RANBP2: variants seen among roughly 807,000 people sequenced by gnomAD.
The protein encoded by RANBP2 is RAN binding protein 2, also known as E3 SUMO-protein ligase RanBP2.
RANBP2 carries 57 observed loss-of-function variants against 303.6 expected under a neutral mutation model. That is an observed-to-expected ratio of 0.19 (90% confidence interval 0.15 to 0.23). The LOEUF is 0.23. Among genes scored for constraint, RANBP2 ranks in the 10% least tolerant of loss-of-function variants. RANBP2 has a pLI of 1.00. For missense variants in RANBP2, 3,138 were observed against 3,780.8 expected (o/e 0.83, Z 4.46); for synonymous variants, 1,167 against 1,301.5 (o/e 0.90, Z 2.23).
chr2:109,312,736 G>C, the RANBP2 span, among the ~76,000 whole-genome samples: 2 of 152,330 alleles, frequency 1.3e-5, no homozygotes, highest in Middle Eastern at 3.4e-3. Context: ...ATGTCCCACT[G>C]TATGGTATTT....
the RANBP2 span, among the ~76,000 whole-genome samples, chr2:109,611,607 A>C: frequency 6.6e-6 from 1 of 152,008 alleles, no homozygotes; most frequent in East Asian, 1.9e-4. Flanking sequence ...AAAAATACAA[A>C]AATTTAGCCG....
At chr2:109,356,911 TC>T in the RANBP2 span, among the ~76,000 whole-genome samples, 1 of 152,044 alleles carries the variant, frequency 6.6e-6, no homozygotes, top group African/African-American at 2.4e-5. Flanking sequence ...CCCACCTCCT[TC>T]CCTGGCTTGC....
At chr2:109,403,594 G>A in the RANBP2 span, among the ~76,000 whole-genome samples, 1 of 152,250 alleles carries the variant, frequency 6.6e-6, no homozygotes, top group African/African-American at 2.4e-5. Flanking sequence ...GCAGGAGAAT[G>A]CCAGCAGGTC....
At chr2:109,330,522 G>A in the RANBP2 span, among the ~76,000 whole-genome samples, 3 of 152,176 alleles carry the variant, frequency 2.0e-5, no homozygotes, top group Non-Finnish European at 2.9e-5. Flanking sequence ...CCCTTGTATT[G>A]TTAGATGTCT....
At chr2:109,498,636 C>G in the RANBP2 span, among the ~76,000 whole-genome samples, 1 of 152,222 alleles carries the variant, frequency 6.6e-6, no homozygotes, top group Admixed American at 6.5e-5. Context: ...TCCACATTCC[C>G]TAGTTCATTC....
At chr2:109,424,343 C>T in the RANBP2 span, among the ~76,000 whole-genome samples, 182 of 152,330 alleles carry the variant, frequency 1.2e-3, no homozygotes, top group African/African-American at 4.0e-3. Context: ...AGCCACTCAT[C>T]GCCCTTCAGA....
the RANBP2 span, among the ~76,000 whole-genome samples, chr2:109,738,325 GT>G: frequency 7.2e-6 from 1 of 138,772 alleles, no homozygotes; most frequent in African/African-American, 2.7e-5. Context: ...TTTATTTATT[GT>G]TTTTTTATTT....
chr2:109,414,758 G>C, the RANBP2 span, among the ~76,000 whole-genome samples: 1 of 152,150 alleles, frequency 6.6e-6, no homozygotes, highest in Non-Finnish European at 1.5e-5. Context: ...TGGCCTCTGT[G>C]GTCTCTTGTT....
Position 108,764,775 on chromosome 2 carries a change from T to C in RANBP2, c.4236T>C (p.Thr1412=). 6.2e-7 allele frequency: 1 copy of C among 1,614,042 alleles called. No individual in the cohort carries two copies. Among genetic ancestry groups the C allele is most frequent in the Non-Finnish European group, 8.5e-7 (1 of 1,179,982 alleles). ...TTCAAGATCGATTTGCATTGGTGAC[T>C]CCAAAGAAAGAAGGTCACTGGGATT... is the stretch of plus-strand genomic sequence containing the variant. The part of the protein sequence containing the change: ...ENVQDRFALV[T]PKKEGHWDCS... Residue 1412 remains threonine, a synonymous_variant, in exon 20 of 29, where the codon ACT becomes ACC. Transcript: ENST00000283195.
intron 1 of RANBP2, among the ~76,000 whole-genome samples, 164 bp from the exon 2 acceptor site, chr2:108,728,968 A>T (rs982798219): frequency 6.6e-6 from 1 of 152,230 alleles, no homozygotes; most frequent in African/African-American, 2.4e-5. Context: ...GTGATAGGAA[A>T]TTATAAAACA....
the RANBP2 span, among the ~76,000 whole-genome samples, chr2:109,351,127 C>T: frequency 9.2e-5 from 14 of 152,262 alleles, no homozygotes; most frequent in East Asian, 2.1e-3. Flanking sequence ...CTTAGTAGCC[C>T]GACTCCAGAA....
At chr2:109,095,693 C>A in the RANBP2 span, among the ~76,000 whole-genome samples, 1 of 152,134 alleles carries the variant, frequency 6.6e-6, no homozygotes, top group Non-Finnish European at 1.5e-5. Context: ...TTAGAAAATT[C>A]ATCTGCTGTT....
At chr2:108,881,698 A>G in the RANBP2 span, among the ~76,000 whole-genome samples, 1 of 152,192 alleles carries the variant, frequency 6.6e-6, no homozygotes, top group Non-Finnish European at 1.5e-5. Context: ...CAGTATTGTT[A>G]TGTCTCAGGA....
the RANBP2 span, among the ~76,000 whole-genome samples, chr2:109,097,219 G>T: frequency 0.76 from 114,945 of 151,730 alleles, 43,729 homozygotes; most frequent in East Asian, 0.89. Flanking sequence ...CAGGAGAATC[G>T]CTTGAACCCG....
chr2:109,339,586 G>A, the RANBP2 span, among the ~76,000 whole-genome samples: 1 of 152,340 alleles, frequency 6.6e-6, no homozygotes, highest in East Asian at 1.9e-4. Flanking sequence ...CCTGGAGGGT[G>A]CCTGGGTGGG....
the RANBP2 span, chr2:108,882,983 A>G: frequency 1.3e-5 from 2 of 151,654 alleles, no homozygotes; most frequent in Non-Finnish European, 1.5e-5. Context: ...GGCGCAAGTC[A>G]GGTGGGGCTA....
intron 28 of RANBP2, among the ~76,000 whole-genome samples, chr2:108,783,176 C>G (rs1678374484): frequency 6.6e-6 from 1 of 150,612 alleles, no homozygotes; most frequent in Non-Finnish European, 1.5e-5. Flanking sequence ...CTCGTCTGGA[C>G]AAAAAAATAC....
At chr2:109,221,063 T>C in the RANBP2 span, among the ~76,000 whole-genome samples, 21 of 152,296 alleles carry the variant, frequency 1.4e-4, no homozygotes, top group Middle Eastern at 3.4e-3. Context: ...TTGAGGAATA[T>C]TCAGCCTTAG....
the RANBP2 span, among the ~76,000 whole-genome samples, chr2:109,744,414 T>C: frequency 1.0e-5 from 1 of 99,980 alleles, no homozygotes; most frequent in African/African-American, 2.8e-5. Flanking sequence ...ACTTATATGT[T>C]TTCTTTTGAG....
Sources: gnomAD v4.1 joint callset for allele counts (sites outside exome capture counted in the v4.1 genomes callset) on GRCh38, gnomAD v4.1.1 for gene constraint, MANE v1.5 for transcripts, NCBI Gene and HGNC (gene_info 2026-07-23, HGNC 2026-07-21) for gene names.